Variants in TRIM65 observed in about 807,000 individuals in gnomAD.
TRIM65 encodes E3 ubiquitin-protein ligase TRIM65.
TRIM65 carries 46 observed loss-of-function variants against 36.1 expected under a neutral mutation model. The observed-to-expected ratio is 1.27, with a 90% CI of 1.01 to 1.63. The LOEUF is 1.63. TRIM65 is among the 40% of genes most tolerant of loss of function. TRIM65 has a pLI of 0.00. For missense variants in TRIM65, 708 were observed against 696.6 expected, an observed-to-expected ratio of 1.02 and a Z score of -0.18; for synonymous variants, 346 against 313.6, an observed-to-expected ratio of 1.10 and a Z score of -1.09.
intron 5 of TRIM65, among the ~76,000 whole-genome samples, chr17:75,891,571 G>A (rs183480247): frequency 2.6e-4 from 39 of 152,322 alleles, no homozygotes; most frequent in African/African-American, 8.7e-4. Flanking sequence ...GAAGAATTAC[G>A]GGTCTGTGCC....
intron 1 of TRIM65, among the ~76,000 whole-genome samples, chr17:75,896,119 G>C (rs566653045): frequency 6.6e-6 from 1 of 152,264 alleles, no homozygotes; most frequent in Non-Finnish European, 1.5e-5. Flanking sequence ...GCAGTGGCAC[G>C]ATCTCGGCTT....
At chr17:75,891,482 C>T (rs776166910) in intron 5 of TRIM65, 135 bp from the exon 6 acceptor site, 144 of 952,446 alleles carry the variant, frequency 1.5e-4, no homozygotes, top group Non-Finnish European at 2.0e-4. Context: ...GCCACGACCT[C>T]GCAGGCGGAA....
In TRIM65 at chr17:75,896,907, T is replaced by C. The variant is rs991753133; in HGVS notation, c.31A>G (p.Thr11Ala). The C allele has an allele frequency of 7.3e-6, 11 of 1,512,434 alleles. No homozygotes were observed. Among genetic ancestry groups the C allele is most frequent in the Admixed American group, 2.1e-5 (1 of 47,620 alleles). The allele number at this position is 1,512,434 out of a possible 1,614,324, so 93.7% of individuals were successfully genotyped here. Reference sequence around the variant, plus strand: ...TAGAGCCCCAGGCAGATGGCGCAGGTCAGCTTCTCCTCCAGCAGCTGCGCG... The same window carrying C: ...TAGAGCCCCAGGCAGATGGCGCAGGCCAGCTTCTCCTCCAGCAGCTGCGCG... Reference protein sequence around the residue: MAAQLLEEKLTCAICLGLYQD... With the variant: MAAQLLEEKLACAICLGLYQD... Residue 11 changes from threonine to alanine, a missense_variant, in exon 1 of 6, where the codon ACC becomes GCC. By Grantham distance (58) the Thr-to-Ala change is moderately conservative (BLOSUM62 0). Transcript: ENST00000269383.
downstream of TRIM65, among the ~76,000 whole-genome samples, chr17:75,884,599 A>G (rs1450222019): frequency 1.3e-5 from 2 of 152,128 alleles, no homozygotes; most frequent in Non-Finnish European, 2.9e-5. Flanking sequence ...AAGCCGTTTA[A>G]GGTTCCTTCT....
Position 75,890,928 on chromosome 17 carries a change from G to T in TRIM65, c.1405C>A (p.Pro469Thr), listed in dbSNP as rs137974930. The change falls in exon 6 of 6, where the codon CCC becomes ACC. Residue 469 changes from proline to threonine, a missense_variant. Pro to Thr is a conservative substitution (Grantham distance 38). Transcript: ENST00000269383. ...AAGGTGTACAGGGGCTGGGTCTGGG[G>T]CTCCAGGCTGTAGAAGGTGAGGCAG... Reference protein sequence around the residue: ...SGCLTFYSLEPQTQPLYTFHA... With the variant: ...SGCLTFYSLETQTQPLYTFHA... 1.3e-4 allele frequency: 195 copies of T among 1,553,124 alleles called. No homozygotes were observed. Among genetic ancestry groups the T allele is most frequent in the Non-Finnish European group, 1.4e-4 (161 of 1,148,980 alleles).
intron 1 of TRIM65, among the ~76,000 whole-genome samples, chr17:75,893,636 G>C (rs751933305): frequency 5.6e-4 from 86 of 152,250 alleles, no homozygotes; most frequent in African/African-American, 2.0e-3. Context: ...TCACAGAGGA[G>C]GAAACGGGCT....
Position 75,892,019 on chromosome 17 carries a change from G to A in TRIM65, c.911C>T (p.Ala304Val). 1.9e-6 allele frequency: 3 copies of A among 1,552,326 alleles called. No homozygotes were observed. Among genetic ancestry groups the A allele is most frequent in the Non-Finnish European group, 2.6e-6 (3 of 1,147,238 alleles). ...PGAPAKPVDLAPVEAPGPLAP... is the reference protein window; with the variant it reads ...PGAPAKPVDLVPVEAPGPLAP... The stretch of plus-strand genomic sequence containing the variant: ...CCTGGGGTCAGTCTTACCCACGGGG[G>A]CTAAGTCCACAGGCTTGGCTGGTGC... The change falls in exon 4 of 6, where the codon GCC becomes GTC. Residue 304 changes from alanine (A) to valine (V), a missense_variant. By Grantham distance (64) the Ala-to-Val change is moderately conservative. Transcript: ENST00000269383.
Position 75,896,743 on chromosome 17 carries a change from G to A in TRIM65, c.195C>T (p.Ala65=), listed in dbSNP as rs937612348. ...GCACCACCTCCAGCACGCCGCTGAG[G>A]GCCACGTTGCGGCGCAGCTCGGCGC... The part of the protein sequence containing the change: ...PDGAELRRNV[A]LSGVLEVVRA... Residue 65 remains alanine, a synonymous_variant, in exon 1 of 6, where the codon GCC becomes GCT. Transcript: ENST00000269383. The A allele has an allele frequency of 8.8e-6, 13 of 1,478,234 alleles. No homozygotes were observed. In the African/African-American group the frequency reaches 1.6e-4, roughly 18 times the overall value. 91.6% of individuals were successfully genotyped at this position (1,478,234 alleles called of 1,614,324 possible).
intron 4 of TRIM65, among the ~76,000 whole-genome samples, chr17:75,881,273 A>G (rs1261809765): frequency 1.3e-5 from 2 of 149,802 alleles, no homozygotes; most frequent in East Asian, 3.9e-4. Flanking sequence ...GAAAAGAAGA[A>G]AGAAAGAAGG....
intron 1 of TRIM65, among the ~76,000 whole-genome samples, chr17:75,894,822 C>G (rs1164308407): frequency 6.6e-6 from 1 of 152,254 alleles, no homozygotes; most frequent in Non-Finnish European, 1.5e-5. Flanking sequence ...AGCCACTGCA[C>G]CCGGTGGTGG....
chr17:75,887,350 G>C (rs2065215765), downstream of TRIM65, among the ~76,000 whole-genome samples: 4 of 151,734 alleles, frequency 2.6e-5, no homozygotes, highest in South Asian at 4.1e-4. Context: ...TGGGTGTGGT[G>C]GTGGGCGCCT....
downstream of TRIM65, among the ~76,000 whole-genome samples, chr17:75,887,661 A>G (rs2065218464): frequency 6.6e-6 from 1 of 151,296 alleles, no homozygotes; most frequent in African/African-American, 2.4e-5. Context: ...AAAAAAAAAA[A>G]AAAGAAAAAA....
intron 1 of TRIM65, among the ~76,000 whole-genome samples, chr17:75,895,999 C>G (rs1239873884): frequency 6.6e-6 from 1 of 152,240 alleles, no homozygotes; most frequent in Non-Finnish European, 1.5e-5. Flanking sequence ...TTCTGAGACC[C>G]ACCCTGTGTC....
chr17:75,896,585 G>A lies in TRIM65; in HGVS notation c.353C>T (p.Thr118Ile). The change falls in exon 1 of 6, where the codon ACC (threonine) becomes ATC (isoleucine). Residue 118 changes from threonine to isoleucine, a missense_variant. Transcript: ENST00000269383. ...TEGRCVCSVC[T>I]VRECRLHERA... ...CTCGTGGAGGCGACACTCGCGCACGGTGCACACGCTGCACACACAGCGGCC... is the reference window on the plus strand; with the variant it reads ...CTCGTGGAGGCGACACTCGCGCACGATGCACACGCTGCACACACAGCGGCC... The A allele has an allele frequency of 7.6e-7, 1 of 1,322,432 alleles. No homozygotes were observed. Among genetic ancestry groups the A allele is most frequent in the Non-Finnish European group, 9.6e-7 (1 of 1,037,974 alleles). 81.9% of individuals were successfully genotyped at this position (1,322,432 alleles called of 1,614,324 possible).
At chr17:75,891,488 C>T (rs576219729) in intron 5 of TRIM65, 141 bp from the exon 6 acceptor site, 279 of 918,444 alleles carry the variant, frequency 3.0e-4, no homozygotes, top group African/African-American at 2.9e-3. Flanking sequence ...ACCTCGCAGG[C>T]GGAATCCTCT....
chr17:75,887,029 C>T (rs141426377), downstream of TRIM65, among the ~76,000 whole-genome samples: 17 of 151,548 alleles, frequency 1.1e-4, no homozygotes, highest in Admixed American at 2.6e-4. Flanking sequence ...AGGTGGTATG[C>T]GACTGTAGTT....
intron 1 of TRIM65, among the ~76,000 whole-genome samples, chr17:75,895,755 T>TAAA (rs1340309450): frequency 1.4e-3 from 217 of 152,336 alleles, no homozygotes; most frequent in African/African-American, 5.0e-3. Flanking sequence ...CATTCACGCC[T>TAAA]TACTGGAACA....
chr17:75,892,384 C>G lies in TRIM65; in HGVS notation c.627G>C (p.Ala209=), dbSNP rs371760333. Residue 209 remains alanine (A), a synonymous_variant, in exon 3 of 6, where the codon GCG becomes GCC. Coordinates refer to ENST00000269383, the MANE Select transcript of TRIM65 (RefSeq NM_173547.4). ...LRSIEVAKTQ[A]LAQARDEEQR... ...GCTCCTCGTCTCGAGCCTGTGCCAGCGCCTGCGTCTTGGCCACCTCGATGC... is the reference window on the plus strand; with the variant it reads ...GCTCCTCGTCTCGAGCCTGTGCCAGGGCCTGCGTCTTGGCCACCTCGATGC... 6.2e-7 allele frequency: 1 copy of G among 1,613,754 alleles called. No homozygotes were observed. Among genetic ancestry groups the G allele is most frequent in the Non-Finnish European group, 8.5e-7 (1 of 1,179,968 alleles).
At position 75,892,159 on chromosome 17, in the gene TRIM65, C is replaced by A; in HGVS notation, c.771G>T (p.Gly257=). ...GCAGAGGGGTCAGTGGCCCAAGAGGCCCTGGGGGCTGGAGGAGCTGCGATT... is the reference window on the plus strand; with the variant it reads ...GCAGAGGGGTCAGTGGCCCAAGAGGACCTGGGGGCTGGAGGAGCTGCGATT... ...LQESQLLQPP[G]PLGPLTPLQW... is the part of the protein sequence containing the mutation. Residue 257 remains glycine (G), a synonymous_variant, in exon 4 of 6, where the codon GGG becomes GGT. Coordinates refer to ENST00000269383, the MANE Select transcript of TRIM65 (RefSeq NM_173547.4). The A allele has an allele frequency of 1.9e-6, 3 of 1,570,170 alleles. No individual in the cohort carries two copies. Among genetic ancestry groups the A allele is most frequent in the Non-Finnish European group, 2.6e-6 (3 of 1,157,390 alleles).
Sources: allele counts gnomAD v4.1 joint callset (sites outside exome capture counted in the v4.1 genomes callset), GRCh38; gene constraint gnomAD v4.1.1; transcripts MANE v1.5; gene names NCBI Gene and HGNC (gene_info 2026-07-23, HGNC 2026-07-21).